MCPH1: variants seen among roughly 807,000 people sequenced by gnomAD.
MCPH1 encodes the protein microcephalin.
Under a neutral mutation model 84.5 loss-of-function variants are expected in MCPH1, and 104 were observed. The observed-to-expected ratio is 1.23, with a 90% CI of 1.05 to 1.45. MCPH1 has a LOEUF of 1.45. Ranked by LOEUF, MCPH1 falls within the 40% of genes most tolerant of loss-of-function variation. MCPH1 has a pLI of 0.00. For synonymous variants in MCPH1, 514 were observed against 366.8 expected, an observed-to-expected ratio of 1.40 and a Z score of -4.58; for missense variants, 1,498 against 1,005.7, an observed-to-expected ratio of 1.49 and a Z score of -6.62.
At chr8:6,511,563 C>T (rs1170145547) in intron 12 of MCPH1, among the ~76,000 whole-genome samples, 3 of 152,110 alleles carry the variant, frequency 2.0e-5, no homozygotes, top group Admixed American at 6.6e-5. Context: ...AAAAAAAAAT[C>T]CCTTACATGC....
In MCPH1 at chr8:6,644,030, C is replaced by T. The variant is rs1437762302; in HGVS notation, c.*981C>T. 6.6e-6 allele frequency: 1 copy of T among 152,262 alleles called. No homozygotes were observed. Among genetic ancestry groups the T allele is most frequent in the Non-Finnish European group, 1.5e-5 (1 of 68,094 alleles). The allele number at this position is 152,262 out of a possible 1,614,324, so 9.4% of individuals were successfully genotyped here. ...CTTTGGGAGGCTGAGGTGGACAGAT[C>T]ACTTGAGGTCAGGAGTTCGAGACCA... On this transcript the variant is annotated 3_prime_UTR_variant, in exon 14 of 14. Coordinates refer to ENST00000344683, the MANE Select transcript of MCPH1 (RefSeq NM_024596.5).
chr8:6,567,056 TGG>T (rs1563138442), intron 12 of MCPH1, among the ~76,000 whole-genome samples: 1 of 147,546 alleles, frequency 6.8e-6, no homozygotes, highest in East Asian at 2.2e-4. Context: ...GGCAAGGCCA[TGG>T]ATAGTGCACG....
At chr8:6,428,609 A>G (rs903572551) in intron 3 of MCPH1, among the ~76,000 whole-genome samples, 3 of 152,382 alleles carry the variant, frequency 2.0e-5, no homozygotes, top group East Asian at 1.9e-4. Flanking sequence ...AAGCGGAATC[A>G]TATGATATAC....
At chr8:6,428,926 T>A (rs925172672) in intron 3 of MCPH1, among the ~76,000 whole-genome samples, 1 of 152,212 alleles carries the variant, frequency 6.6e-6, no homozygotes, top group South Asian at 2.1e-4. Context: ...CTAAATACTG[T>A]GGCCGTATTG....
At chr8:6,447,418 C>G (rs900885819) in intron 8 of MCPH1, 1 of 985,264 alleles carries the variant, frequency 1.0e-6, no homozygotes, top group East Asian at 1.1e-4. Flanking sequence ...GTTTTCAGTT[C>G]ACTTTTACTT....
chr8:6,618,191 G>A (rs1215888604), intron 12 of MCPH1, among the ~76,000 whole-genome samples: 1 of 152,228 alleles, frequency 6.6e-6, no homozygotes. Flanking sequence ...TTTTCGCCTT[G>A]ATCTCCAGGT....
At chr8:6,448,774 C>T (rs1443469206) in intron 8 of MCPH1, among the ~76,000 whole-genome samples, 1 of 152,140 alleles carries the variant, frequency 6.6e-6, no homozygotes, top group African/African-American at 2.4e-5. Flanking sequence ...TCTTCATTTT[C>T]TAATAGAGCC....
At chr8:6,463,010 C>G (rs1477683659) in intron 9 of MCPH1, among the ~76,000 whole-genome samples, 2 of 152,196 alleles carry the variant, frequency 1.3e-5, no homozygotes, top group Non-Finnish European at 2.9e-5. Context: ...AACTCTGGGA[C>G]AGTCCACACT....
chr8:6,617,525 A>AAAAC (rs1186420843), intron 12 of MCPH1, among the ~76,000 whole-genome samples: 1 of 152,106 alleles, frequency 6.6e-6, no homozygotes, highest in Non-Finnish European at 1.5e-5. Flanking sequence ...CAACAAAAAT[A>AAAAC]AAACAACACG....
At position 6,444,402 on chromosome 8, in the gene MCPH1, T is replaced by C; in HGVS notation, c.680T>C (p.Phe227Ser). The change falls in exon 8 of 14, where the codon TTT becomes TCT. Residue 227 changes from phenylalanine (F) to serine (S), a missense_variant. Phe to Ser is a radical substitution (Grantham distance 155, BLOSUM62 -2). Transcript: ENST00000344683. ...CGTTAATGTTTTCCAGATGAATACT[T>C]TGCTGGTGGCTTACACTCATCTTTT... is the stretch of plus-strand genomic sequence containing the variant. ...SRDTLCSDEY[F>S]AGGLHSSFDD... is the part of the protein sequence containing the mutation. 6.2e-7 allele frequency: 1 copy of C among 1,614,174 alleles called. No individual in the cohort carries two copies. Among genetic ancestry groups the C allele is most frequent in the South Asian group, 1.1e-5 (1 of 91,060 alleles).
intron 4 of MCPH1, among the ~76,000 whole-genome samples, chr8:6,433,767 A>G (rs539590502): frequency 5.3e-5 from 8 of 151,782 alleles, no homozygotes; most frequent in South Asian, 2.1e-4. Context: ...TTTCATGTCT[A>G]AAAACCTTCC....
intron 12 of MCPH1, among the ~76,000 whole-genome samples, chr8:6,605,163 G>A (rs191508304): frequency 5.8e-4 from 88 of 152,240 alleles, no homozygotes; most frequent in African/African-American, 1.8e-3. Flanking sequence ...ACCCAGCCCC[G>A]CTCTTGTTGG....
intron 13 of MCPH1, chr8:6,627,210 C>G (rs1209372467): frequency 3.8e-5 from 37 of 985,324 alleles, no homozygotes; most frequent in Non-Finnish European, 4.2e-5. Context: ...TTCGGGCTTC[C>G]TGATTCAGTA....
At chr8:6,580,779 GTAGT>G in intron 12 of MCPH1, among the ~76,000 whole-genome samples, 1 of 152,326 alleles carries the variant, frequency 6.6e-6, no homozygotes, top group East Asian at 1.9e-4. Context: ...GGCCATGATG[GTAGT>G]TAGTGCATCC....
intron 8 of MCPH1, among the ~76,000 whole-genome samples, chr8:6,449,881 G>T (rs1804889652): frequency 6.6e-6 from 1 of 152,296 alleles, no homozygotes; most frequent in Non-Finnish European, 1.5e-5. Flanking sequence ...GAATTGCCAA[G>T]TAGTTAAAGC....
chr8:6,427,927 G>T (rs1801301226), intron 3 of MCPH1, among the ~76,000 whole-genome samples: 2 of 151,784 alleles, frequency 1.3e-5, no homozygotes, highest in African/African-American at 4.8e-5. Flanking sequence ...TGAGTAGCTG[G>T]AATTACAGGC....
At chr8:6,569,868 C>T (rs1437746203) in intron 12 of MCPH1, among the ~76,000 whole-genome samples, 1 of 152,194 alleles carries the variant, frequency 6.6e-6, no homozygotes, top group Non-Finnish European at 1.5e-5. Context: ...TCTTAGCGGC[C>T]TTCAGTTCTC....
intron 12 of MCPH1, among the ~76,000 whole-genome samples, chr8:6,555,532 G>A (rs1230678397): frequency 6.6e-6 from 1 of 151,070 alleles, no homozygotes; most frequent in Non-Finnish European, 1.5e-5. Context: ...TGCCATCCTG[G>A]CTCACTGCAG....
intron 12 of MCPH1, among the ~76,000 whole-genome samples, chr8:6,520,829 G>A (rs1586321098): frequency 6.6e-6 from 1 of 152,160 alleles, no homozygotes; most frequent in Admixed American, 6.5e-5. Flanking sequence ...AATCTTAATG[G>A]CCATCCCATG....
Sources: allele counts gnomAD v4.1 joint callset (sites outside exome capture counted in the v4.1 genomes callset), GRCh38; gene constraint gnomAD v4.1.1; transcripts MANE v1.5; gene names NCBI Gene and HGNC (gene_info 2026-07-23, HGNC 2026-07-21).